The following MGST3 variants were observed in gnomAD, a reference collection of about 807,000 sequenced individuals.
MGST3 encodes the protein glutathione S-transferase 3, mitochondrial.
In MGST3, 13 loss-of-function variants were observed where a neutral mutation model predicts 15.8. The observed-to-expected ratio is 0.82, with a 90% CI of 0.54 to 1.31. MGST3 has a LOEUF of 1.31. Ranked by LOEUF, MGST3 falls within the 50% of genes most tolerant of loss-of-function variation. The pLI is 0.00. For synonymous variants in MGST3, 49 were observed against 68.1 expected (o/e 0.72, Z 1.38); for missense variants, 155 against 192.4 (o/e 0.81, Z 1.15).
chr1:165,649,539 C>T (rs1273455923), intron 1 of MGST3: 10 of 316,390 alleles, frequency 3.2e-5, no homozygotes, highest in Admixed American at 4.5e-5. Context: ...TCTACAGCAA[C>T]GACTACTGCA....
At chr1:165,635,171 T>C (rs1648073815) in intron 1 of MGST3, among the ~76,000 whole-genome samples, 1 of 152,068 alleles carries the variant, frequency 6.6e-6, no homozygotes, top group South Asian at 2.1e-4. Context: ...TCACATCTCT[T>C]GGGAAGCTCA....
chr1:165,632,243 C>T (rs1253571604), intron 1 of MGST3: 1 of 1,612,518 alleles, frequency 6.2e-7, no homozygotes, highest in South Asian at 1.1e-5. Flanking sequence ...ACAGGAGATG[C>T]CCTGGAGGGG....
chr1:165,649,749 T>G, intron 1 of MGST3, 92 bp from the exon 2 acceptor site: 1 of 1,512,328 alleles, frequency 6.6e-7, no homozygotes, highest in Admixed American at 1.7e-5. Context: ...TTTACTCATT[T>G]GCCAGTAATA....
intron 1 of MGST3, among the ~76,000 whole-genome samples, chr1:165,643,196 C>A (rs1314687779): frequency 6.6e-6 from 1 of 152,040 alleles, no homozygotes; most frequent in Non-Finnish European, 1.5e-5. Context: ...GTTTTAACCT[C>A]TTTAATATTT....
chr1:165,643,640 CG>C (rs954317326), intron 1 of MGST3, among the ~76,000 whole-genome samples: 3 of 151,624 alleles, frequency 2.0e-5, no homozygotes, highest in African/African-American at 7.3e-5. Context: ...CTGAGGCAGC[CG>C]TATCAGTTGA....
In MGST3 at chr1:165,650,262, G is replaced by A. The variant is rs548891644; in HGVS notation, c.117+298G>A. On this transcript the variant is annotated intron_variant, in intron 2 of 5. Coordinates refer to ENST00000367889, the MANE Select transcript of MGST3 (RefSeq NM_004528.4). ...GCTATTTGCTAGGAAGAGAGTTACT[G>A]TATTTTCCACAGAGGGTTAAATAGC... The A allele has an allele frequency of 1.0e-3, 434 of 421,912 alleles. 1 individual carries two copies. Among genetic ancestry groups the A allele is most frequent in the Non-Finnish European group, 6.8e-4 (154 of 225,686 alleles). The allele number at this position is 421,912 out of a possible 1,614,324, so 26.1% of individuals were successfully genotyped here.
At chr1:165,647,616 C>T (rs567904486) in intron 1 of MGST3, 1 of 152,328 alleles carries the variant, frequency 6.6e-6, no homozygotes, top group African/African-American at 2.4e-5. Flanking sequence ...AGCCCAGCAT[C>T]CTGTCCAAAG....
chr1:165,650,037 C>T, intron 2 of MGST3, 73 bp downstream of exon 2: 1 of 1,603,882 alleles, frequency 6.2e-7, no homozygotes, highest in East Asian at 2.2e-5. Context: ...AACTTATTTT[C>T]AGCCATGGAG....
chr1:165,643,160 C>CA (rs1313117508), intron 1 of MGST3, among the ~76,000 whole-genome samples: 1 of 151,934 alleles, frequency 6.6e-6, no homozygotes, highest in African/African-American at 2.4e-5. Context: ...CTTTTTTCCC[C>CA]ACTCAACCTG....
Position 165,652,034 on chromosome 1 carries a change from C to T in MGST3, c.248C>T (p.Pro83Leu), listed in dbSNP as rs781719896. 1.5e-5 allele frequency: 24 copies of T among 1,610,912 alleles called. No individual in the cohort carries two copies. Among genetic ancestry groups the T allele is most frequent in the East Asian group, 2.2e-5 (1 of 44,852 alleles). ...FFLAVGGVYH[P>L]RIASGLGLAW... is the part of the protein sequence containing the mutation. ...CTAGCTGTTGGAGGTGTTTACCACC[C>T]GGTAAGTTTTCCAGGAGGTGTTCAT... The change falls in exon 4 of 6, where the codon CCG becomes CTG. Residue 83 changes from proline (P) to leucine (L), a missense_variant and splice_region_variant. Physicochemically the swap from Pro to Leu is moderately conservative, Grantham distance 98. Transcript: ENST00000367889.
Position 165,655,528 on chromosome 1 carries a change from C to G in MGST3, c.*24C>G. On this transcript the variant is annotated 3_prime_UTR_variant, in exon 6 of 6. Transcript: ENST00000367889. ...AAAGAATTATAGGGGTTTAAAAACT[C>G]TCATTCATTTTAAATGACTTACCTT... 1 of 1,613,742 alleles carries G rather than the reference C, an allele frequency of 6.2e-7. No individual in the cohort carries two copies. Among genetic ancestry groups the G allele is most frequent in the Non-Finnish European group, 8.5e-7 (1 of 1,179,830 alleles).
At chr1:165,638,093 C>T (rs1380830054) in intron 1 of MGST3, among the ~76,000 whole-genome samples, 1 of 152,160 alleles carries the variant, frequency 6.6e-6, no homozygotes, top group African/African-American at 2.4e-5. Flanking sequence ...TTTTCTTCCC[C>T]TAACTTGATA....
At chr1:165,638,234 T>A (rs1165184506) in intron 1 of MGST3, among the ~76,000 whole-genome samples, 1 of 152,194 alleles carries the variant, frequency 6.6e-6, no homozygotes, top group Non-Finnish European at 1.5e-5. Flanking sequence ...ATCCCAGCAC[T>A]TTGGGAGGCT....
chr1:165,652,471 CAG>C (rs71762726), intron 4 of MGST3, among the ~76,000 whole-genome samples: 21,234 of 151,984 alleles, frequency 0.14, 1,613 homozygotes, highest in Middle Eastern at 0.17. Context: ...GGGGTGGTCA[CAG>C]AGAAGAAGCA....
chr1:165,651,121 C>T (rs752518654), intron 3 of MGST3, 34 bp downstream of exon 3: 8 of 1,590,452 alleles, frequency 5.0e-6, no homozygotes, highest in Non-Finnish European at 5.2e-6. Flanking sequence ...CCAAAGACAT[C>T]TGCAGAGTGG....
intron 1 of MGST3, among the ~76,000 whole-genome samples, chr1:165,638,793 T>TCAAAAAAAAAA (rs144430330): frequency 6.9e-6 from 1 of 144,450 alleles, no homozygotes; most frequent in Admixed American, 6.9e-5. Flanking sequence ...AGACTCCGTC[T>TCAAAAAAAAAA]TAAAAAAAAA....
At chr1:165,649,639 A>G (rs926941295) in intron 1 of MGST3, 13 of 590,542 alleles carry the variant, frequency 2.2e-5, no homozygotes, top group Non-Finnish European at 3.6e-5. Context: ...TTCTGTGTAT[A>G]GACTGCATAG....
At chr1:165,639,131 T>C (rs183078530) in intron 1 of MGST3, among the ~76,000 whole-genome samples, 23 of 152,354 alleles carry the variant, frequency 1.5e-4, no homozygotes, top group Admixed American at 5.9e-4. Flanking sequence ...CCTATGCTCT[T>C]GGGCCCTGGC....
At chr1:165,651,369 T>C (rs1648549773) in intron 3 of MGST3, 1 of 482,824 alleles carries the variant, frequency 2.1e-6, no homozygotes, top group Admixed American at 3.3e-5. Context: ...TAAACCGATG[T>C]TGACTCTCCC....
Sources: gnomAD v4.1 joint callset for allele counts (sites outside exome capture counted in the v4.1 genomes callset) on GRCh38, gnomAD v4.1.1 for gene constraint, MANE v1.5 for transcripts, NCBI Gene and HGNC (gene_info 2026-07-23, HGNC 2026-07-21) for gene names.